ADRA1B: variants seen among roughly 807,000 people sequenced by gnomAD.
The protein encoded by ADRA1B is alpha-1B adrenergic receptor.
Under a neutral mutation model 17.9 loss-of-function variants are expected in ADRA1B, and 17 were observed. The observed-to-expected ratio is 0.95, with a 90% CI of 0.65 to 1.42. The LOEUF (loss-of-function observed/expected upper bound fraction) is 1.42, where lower values mean the gene tolerates loss of function less well. ADRA1B is among the 40% of genes most tolerant of loss of function. The pLI is 0.00. For missense variants in ADRA1B, 681 were observed against 722.1 expected, an observed-to-expected ratio of 0.94 and a Z score of 0.65; for synonymous variants, 366 against 327.6, an observed-to-expected ratio of 1.12 and a Z score of -1.27.
chr5:159,906,577 C>T (rs531524139), intron 1 of ADRA1B, among the ~76,000 whole-genome samples: 4 of 152,206 alleles, frequency 2.6e-5, no homozygotes, highest in Non-Finnish European at 5.9e-5. Flanking sequence ...AAGGCTTGCT[C>T]TAGATGACTT....
intron 1 of ADRA1B, among the ~76,000 whole-genome samples, chr5:159,881,324 TC>T (rs1753861189): frequency 2.6e-5 from 4 of 151,744 alleles, no homozygotes; most frequent in Admixed American, 2.6e-4. Context: ...TCTCTCTCTC[TC>T]TCTCTCTCTC....
At chr5:159,961,464 G>A (rs769208931) in intron 1 of ADRA1B, among the ~76,000 whole-genome samples, 1 of 152,198 alleles carries the variant, frequency 6.6e-6, no homozygotes, top group Non-Finnish European at 1.5e-5. Flanking sequence ...GGGTTAAGTG[G>A]CAAATAAAAA....
chr5:159,868,783 A>G (rs575306667), intron 1 of ADRA1B: 1 of 152,214 alleles, frequency 6.6e-6, no homozygotes. Flanking sequence ...TTATCAGTTC[A>G]TACACCTCCA....
chr5:159,912,626 G>A (rs1400004985), upstream of ADRA1B, among the ~76,000 whole-genome samples: 1 of 152,220 alleles, frequency 6.6e-6, no homozygotes, highest in Non-Finnish European at 1.5e-5. Context: ...CTGGTGCAGA[G>A]AGAAGGATGC....
At chr5:159,920,247 G>A (rs1754443417) in intron 1 of ADRA1B, among the ~76,000 whole-genome samples, 1 of 152,110 alleles carries the variant, frequency 6.6e-6, no homozygotes, top group Admixed American at 6.5e-5. Context: ...TGGAAGCCAG[G>A]GTTTTAAATG....
At chr5:159,878,378 A>G (rs1753824230) in intron 1 of ADRA1B, among the ~76,000 whole-genome samples, 1 of 152,186 alleles carries the variant, frequency 6.6e-6, no homozygotes. Flanking sequence ...GCCAACTGAG[A>G]AGAGAACTCC....
rs577804302 is a variant in ADRA1B, at chr5:159,884,941, T to C, written c.-256+19735T>C. On this transcript the variant is annotated intron_variant, in intron 1 of 2. Transcript: ENST00000641205. ...TGTTGTGAGTGACAGGCTGGAATCT[T>C]GAAATTAATTTCCTTTGGCTGGTTC... Among the ~76,000 whole-genome samples, 63 of 152,356 alleles carry C rather than the reference T, an allele frequency of 4.1e-4. 1 individual carries two copies. The highest frequency in any genetic ancestry group is 3.5e-4 in the Non-Finnish European group (24 of 68,024).
At chr5:159,866,634 C>G (rs1386584878) in intron 1 of ADRA1B, among the ~76,000 whole-genome samples, 1 of 151,212 alleles carries the variant, frequency 6.6e-6, no homozygotes, top group Admixed American at 6.6e-5. Context: ...TGCCCTTGTG[C>G]CACTCACAGT....
intron 1 of ADRA1B, among the ~76,000 whole-genome samples, chr5:159,931,881 A>G (rs1366844297): frequency 6.6e-6 from 1 of 152,232 alleles, no homozygotes; most frequent in Non-Finnish European, 1.5e-5. Flanking sequence ...TGCCTTTCAC[A>G]TGACCCACTT....
chr5:159,908,764 T>A (rs1461048382), intron 1 of ADRA1B, among the ~76,000 whole-genome samples: 1 of 152,250 alleles, frequency 6.6e-6, no homozygotes, highest in East Asian at 1.9e-4. Flanking sequence ...CAATGCTGCA[T>A]GCATAACTGC....
intron 1 of ADRA1B, among the ~76,000 whole-genome samples, chr5:159,903,089 GTCCCCACCTC>G (rs1441405813): frequency 1.3e-5 from 2 of 152,312 alleles, no homozygotes; most frequent in Non-Finnish European, 2.9e-5. Flanking sequence ...TCTGGCCAGT[GTCCCCACCTC>G]TGCCTCAACA....
intron 1 of ADRA1B, among the ~76,000 whole-genome samples, chr5:159,946,097 A>G (rs983167982): frequency 2.0e-5 from 3 of 152,178 alleles, no homozygotes; most frequent in African/African-American, 7.2e-5. Flanking sequence ...TGGATTGTAG[A>G]GGCTTAAGGG....
At chr5:159,949,597 G>T (rs1051131944) in intron 1 of ADRA1B, among the ~76,000 whole-genome samples, 6 of 152,174 alleles carry the variant, frequency 3.9e-5, no homozygotes, top group African/African-American at 1.4e-4. Flanking sequence ...TTGCCAGATT[G>T]TTCTTTTAAA....
intron 1 of ADRA1B, among the ~76,000 whole-genome samples, chr5:159,907,955 T>TCACACACACACA (rs371637793): frequency 8.2e-4 from 121 of 147,018 alleles, no homozygotes; most frequent in Middle Eastern, 3.4e-3. Context: ...TCTCTCTCTG[T>TCACACACACACA]CACACACACA....
intron 1 of ADRA1B, among the ~76,000 whole-genome samples, chr5:159,873,829 T>A (rs541258290): frequency 6.6e-6 from 1 of 152,176 alleles, no homozygotes; most frequent in African/African-American, 2.4e-5. Context: ...GGAGATACCA[T>A]GAAATGATGA....
rs145499475 is a variant in ADRA1B, at chr5:159,924,658, G to A, written c.949+6804G>A. On this transcript the variant is annotated intron_variant, in intron 1 of 1. Coordinates refer to ENST00000306675, the MANE Select transcript of ADRA1B (RefSeq NM_000679.4). ...GCACCCACCCCTGCTGGAGCAAAAC[G>A]GCTCACAGAAATGCCAGCAGGTGCG... Among the ~76,000 whole-genome samples the A allele has an allele frequency of 5.9e-5, 9 of 152,236 alleles. No individual in the cohort carries two copies. In the East Asian group the frequency reaches 1.5e-3, roughly 26 times the overall value.
chr5:159,950,650 G>C, intron 1 of ADRA1B: 1 of 783,468 alleles, frequency 1.3e-6, no homozygotes, highest in South Asian at 1.4e-5. Context: ...GTTGAAGTCA[G>C]AGGAGACAAC....
chr5:159,945,038 A>G (rs1269635644), intron 1 of ADRA1B, among the ~76,000 whole-genome samples: 1 of 152,224 alleles, frequency 6.6e-6, no homozygotes, highest in Non-Finnish European at 1.5e-5. Flanking sequence ...AAGAAAAAGC[A>G]TAAGCTCAAC....
At chr5:159,877,797 G>A (rs767348259) in intron 1 of ADRA1B, among the ~76,000 whole-genome samples, 5 of 152,176 alleles carry the variant, frequency 3.3e-5, no homozygotes, top group Admixed American at 2.0e-4. Context: ...GTTCACAAAC[G>A]ACAGAGGCAG....
Sources: gnomAD v4.1 joint callset for allele counts (sites outside exome capture counted in the v4.1 genomes callset) on GRCh38, gnomAD v4.1.1 for gene constraint, MANE v1.5 for transcripts, NCBI Gene and HGNC (gene_info 2026-07-23, HGNC 2026-07-21) for gene names.